ANK2: variants seen among roughly 807,000 people sequenced by gnomAD.
ANK2 encodes ankyrin 2.
A neutral mutation model predicts 360.5 loss-of-function variants in ANK2; 83 were observed. The observed-to-expected ratio is 0.23, with a 90% CI of 0.19 to 0.28. ANK2 has a LOEUF of 0.28. Among genes scored for constraint, ANK2 ranks in the 10% least tolerant of loss-of-function variants. The pLI, the probability that ANK2 is intolerant of heterozygous loss-of-function variation, is 1.00. For synonymous variants in ANK2, 1,740 were observed against 1,759.5 expected, an observed-to-expected ratio of 0.99 and a Z score of 0.28; for missense variants, 4,201 against 4,795.7, an observed-to-expected ratio of 0.88 and a Z score of 3.66.
chr4:112,895,158 C>A (rs1353544369), intron 1 of ANK2, among the ~76,000 whole-genome samples: 1 of 152,122 alleles, frequency 6.6e-6, no homozygotes, highest in Non-Finnish European at 1.5e-5. Flanking sequence ...ATGGAAAATT[C>A]TTAATGGAAA....
chr4:112,879,197 GT>G (rs1039191515), intron 1 of ANK2, among the ~76,000 whole-genome samples: 23 of 152,196 alleles, frequency 1.5e-4, no homozygotes, highest in African/African-American at 5.5e-4. Flanking sequence ...TCTCATGTGA[GT>G]CCCCCCACCA....
chr4:112,991,863 A>T (rs2046952553), intron 2 of ANK2, among the ~76,000 whole-genome samples: 1 of 150,076 alleles, frequency 6.7e-6, no homozygotes, highest in Non-Finnish European at 1.5e-5. Flanking sequence ...TTTTTTTTCC[A>T]CTATATAAAA....
Position 113,353,545 on chromosome 4 carries a change from G to C in ANK2, c.4927G>C (p.Asp1643His). The change falls in exon 38 of 46, where the codon GAT becomes CAT. Residue 1643 changes from aspartate to histidine, a missense_variant. Physicochemically the swap from Asp to His is moderately conservative, Grantham distance 81. Transcript: ENST00000357077. Reference protein sequence around the residue: ...STGLVNYLTDDLNTCVPLPKE... With the variant: ...STGLVNYLTDHLNTCVPLPKE... ...TGGGCTAGTGAACTACCTTACTGAT[G>C]ATCTGAATACCTGTGTGCCTCTTCC... The C allele has an allele frequency of 1.2e-6, 2 of 1,614,048 alleles. No homozygotes were observed. The highest frequency in any genetic ancestry group is 1.7e-6 in the Non-Finnish European group (2 of 1,179,952).
intron 15 of ANK2, 21 bp downstream of exon 15, chr4:113,274,670 A>T (rs768114182): frequency 2.5e-6 from 4 of 1,612,672 alleles, no homozygotes; most frequent in African/African-American, 1.3e-5. Flanking sequence ...TGACATCATG[A>T]GAACATGGAC....
At chr4:113,232,882 T>C (rs1369878250) in intron 5 of ANK2, among the ~76,000 whole-genome samples, 1 of 152,164 alleles carries the variant, frequency 6.6e-6, no homozygotes, top group African/African-American at 2.4e-5. Context: ...CATTTCTTAT[T>C]CCATTTTCTT....
At chr4:112,901,431 T>C (rs1436756102) in intron 1 of ANK2, among the ~76,000 whole-genome samples, 1 of 152,218 alleles carries the variant, frequency 6.6e-6, no homozygotes, top group Non-Finnish European at 1.5e-5. Flanking sequence ...TTCATCTTTA[T>C]AGGAAGTTTT....
At chr4:112,763,393 T>G in the ANK2 span, among the ~76,000 whole-genome samples, 10 of 151,190 alleles carry the variant, frequency 6.6e-5, no homozygotes, top group African/African-American at 2.4e-4. Flanking sequence ...CACGGCCGGA[T>G]AATTTTTTTG....
chr4:113,288,306 G>T, intron 19 of ANK2, 82 bp from the exon 20 acceptor site: 1 of 1,141,858 alleles, frequency 8.8e-7, no homozygotes, highest in Non-Finnish European at 1.3e-6. Flanking sequence ...ACTCTACCCA[G>T]TCCTTCTCCT....
the ANK2 span, chr4:112,739,156 A>C: frequency 2.6e-6 from 1 of 377,876 alleles, no homozygotes; most frequent in Non-Finnish European, 5.0e-6. Flanking sequence ...AAAACTGCCA[A>C]GAACACAAAA....
chr4:113,007,089 A>T (rs987705301), intron 2 of ANK2, among the ~76,000 whole-genome samples: 1 of 152,226 alleles, frequency 6.6e-6, no homozygotes, highest in African/African-American at 2.4e-5. Flanking sequence ...AAACAGTGAT[A>T]TATTTTTTAA....
chr4:113,148,679 C>T (rs2096924267), intron 1 of ANK2, among the ~76,000 whole-genome samples: 1 of 152,200 alleles, frequency 6.6e-6, no homozygotes. Context: ...TGAATGCTGG[C>T]GATTTAACGA....
At chr4:113,053,617 A>C (rs145034851) in intron 1 of ANK2, among the ~76,000 whole-genome samples, 95 of 152,276 alleles carry the variant, frequency 6.2e-4, no homozygotes, top group Admixed American at 5.9e-4. Flanking sequence ...TTTTTGAGGC[A>C]GGGTCTTATT....
intron 2 of ANK2, among the ~76,000 whole-genome samples, chr4:113,017,027 A>G (rs985521225): frequency 6.6e-6 from 1 of 152,344 alleles, no homozygotes; most frequent in South Asian, 2.1e-4. Context: ...TGCAGTATAC[A>G]CTTAGAAATG....
chr4:112,905,889 T>C (rs1349265581), intron 2 of ANK2, among the ~76,000 whole-genome samples: 1 of 152,168 alleles, frequency 6.6e-6, no homozygotes, highest in Non-Finnish European at 1.5e-5. Flanking sequence ...CGTGAGCTCC[T>C]GAGCTCAAGT....
intron 2 of ANK2, among the ~76,000 whole-genome samples, chr4:112,919,399 C>T (rs921610177): frequency 1.3e-5 from 2 of 152,036 alleles, no homozygotes; most frequent in African/African-American, 4.8e-5. Flanking sequence ...TATGGAAACT[C>T]ACTCGTTGAT....
At chr4:112,899,632 C>T (rs563524143) in intron 1 of ANK2, among the ~76,000 whole-genome samples, 1 of 152,210 alleles carries the variant, frequency 6.6e-6, no homozygotes, top group South Asian at 2.1e-4. Context: ...TTCTAATATC[C>T]ATCACATCTT....
intron 2 of ANK2, among the ~76,000 whole-genome samples, chr4:112,970,650 G>C (rs1004700209): frequency 1.3e-5 from 2 of 152,084 alleles, no homozygotes; most frequent in Non-Finnish European, 2.9e-5. Flanking sequence ...ATGTTTCAGG[G>C]CAGCTTATAA....
At chr4:112,835,609 CT>C (rs1320525057) in intron 1 of ANK2, among the ~76,000 whole-genome samples, 1 of 152,054 alleles carries the variant, frequency 6.6e-6, no homozygotes, top group East Asian at 1.9e-4. Flanking sequence ...ATTATCCTTT[CT>C]TTTTTCTTTC....
At chr4:112,883,129 C>G (rs755001292) in intron 1 of ANK2, among the ~76,000 whole-genome samples, 1 of 145,468 alleles carries the variant, frequency 6.9e-6, no homozygotes, top group Non-Finnish European at 1.5e-5. Context: ...ACCTCCGTCT[C>G]CCTGGTTCAA....
Sources: gnomAD v4.1 joint callset for allele counts (sites outside exome capture counted in the v4.1 genomes callset) on GRCh38, gnomAD v4.1.1 for gene constraint, MANE v1.5 for transcripts, NCBI Gene and HGNC (gene_info 2026-07-23, HGNC 2026-07-21) for gene names.